Variants in ARID4A observed in about 807,000 individuals in gnomAD.
ARID4A encodes the protein AT-rich interaction domain 4A.
ARID4A carries 39 observed loss-of-function variants against 148.6 expected under a neutral mutation model. That is an observed-to-expected ratio of 0.26 (90% CI 0.20 to 0.34). The LOEUF (loss-of-function observed/expected upper bound fraction) is 0.34, where lower values mean the gene tolerates loss of function less well. ARID4A is among the 10% of genes least tolerant of loss of function. The pLI, the probability that ARID4A is intolerant of heterozygous loss-of-function variation, is 1.00. For synonymous variants in ARID4A, 475 were observed against 481.2 expected (o/e 0.99, Z 0.17); for missense variants, 1,265 against 1,449.1 (o/e 0.87, Z 2.06).
At chr14:58,308,826 T>C (rs1195084088) in intron 5 of ARID4A, among the ~76,000 whole-genome samples, 7 of 152,240 alleles carry the variant, frequency 4.6e-5, no homozygotes. Flanking sequence ...AGAGTGTTTA[T>C]GACGTGTGTT....
At chr14:58,369,415 C>G (rs953592952) in intron 23 of ARID4A, among the ~76,000 whole-genome samples, 2 of 151,862 alleles carry the variant, frequency 1.3e-5, no homozygotes, top group African/African-American at 4.8e-5. Flanking sequence ...CACTGGAGGC[C>G]AGGAGTTTAA....
rs539139292 is a variant in ARID4A at position 58,304,651 on chromosome 14, G to GT, written c.118-284dup. Reference sequence around the variant, plus strand: ...GACTTGATAAAAAGCAATAAAGGCAGTTTTTTTTTACAGTAATCATTAAAG... The same window carrying GT: ...GACTTGATAAAAAGCAATAAAGGCAGTTTTTTTTTTACAGTAATCATTAAAG... On this transcript the variant is annotated intron_variant, in intron 3 of 23. Transcript: ENST00000355431. Among the ~76,000 whole-genome samples the GT allele has an allele frequency of 5.9e-4, 90 of 151,378 alleles. No individual in the cohort carries two copies. The South Asian group carries it at 8.2e-3, about 14-fold the overall frequency.
intron 5 of ARID4A, among the ~76,000 whole-genome samples, chr14:58,311,258 A>G (rs988845721): frequency 1.3e-5 from 2 of 151,344 alleles, no homozygotes; most frequent in Admixed American, 1.3e-4. Context: ...AAAAAAATAA[A>G]TGAAAATAAT....
chr14:58,323,975 G>A (rs1026288357), intron 8 of ARID4A, among the ~76,000 whole-genome samples: 5 of 144,980 alleles, frequency 3.4e-5, no homozygotes, highest in Non-Finnish European at 7.5e-5. Context: ...CGCGATCTCG[G>A]CTCACTGCAA....
At position 58,324,163 on chromosome 14, in the gene ARID4A, A is replaced by T. The variant is rs1253005905; in HGVS notation, c.582+546A>T. Among the ~76,000 whole-genome samples, 4 of 152,074 alleles carry T rather than the reference A, an allele frequency of 2.6e-5. No individual in the cohort carries two copies. In the South Asian group the frequency reaches 8.3e-4, roughly 32 times the overall value. ...TCATGGTCCGCCCACCTCGGCCTCCAAAGTTCTGAGATTATAGGCGTGAGC... is the reference window on the plus strand; with the variant it reads ...TCATGGTCCGCCCACCTCGGCCTCCTAAGTTCTGAGATTATAGGCGTGAGC... On this transcript the variant is annotated intron_variant, in intron 8 of 23. Transcript: ENST00000355431.
intron 17 of ARID4A, among the ~76,000 whole-genome samples, chr14:58,356,092 T>G (rs1209548216): frequency 2.6e-5 from 4 of 152,106 alleles, no homozygotes; most frequent in African/African-American, 9.7e-5. Flanking sequence ...TGAAAGGGAG[T>G]ATCTGCAAGT....
At chr14:58,353,434 T>C in intron 16 of ARID4A, 1 of 407,262 alleles carries the variant, frequency 2.5e-6, no homozygotes, top group Non-Finnish European at 4.3e-6. Context: ...GATTGGCTTT[T>C]AAAAAGTATG....
intron 5 of ARID4A, among the ~76,000 whole-genome samples, chr14:58,314,875 T>G (rs918384980): frequency 3.3e-5 from 5 of 152,166 alleles, no homozygotes; most frequent in African/African-American, 1.2e-4. Context: ...TCCCAGCACT[T>G]TGGAAGGCCA....
At chr14:58,303,131 A>G (rs2031321551) in intron 3 of ARID4A, among the ~76,000 whole-genome samples, 3 of 152,196 alleles carry the variant, frequency 2.0e-5, no homozygotes, top group African/African-American at 7.2e-5. Flanking sequence ...GGTATATCAT[A>G]TAGTTAATGA....
At position 58,366,043 on chromosome 14, in the gene ARID4A, A is replaced by C. The variant is rs2035346213; in HGVS notation, c.3336A>C (p.Glu1112Asp). 1 of 1,612,690 alleles carries C rather than the reference A, an allele frequency of 6.2e-7. No individual in the cohort carries two copies. The highest frequency in any genetic ancestry group is 1.3e-5 in the African/African-American group (1 of 74,900). Residue 1112 changes from glutamate to aspartate, a missense_variant, in exon 22 of 24, where the codon GAA becomes GAC. This residue lies in a region of ARID4A where 666 missense variants were observed against 730.9 expected (regional missense o/e 0.91). Coordinates refer to ENST00000355431, the MANE Select transcript of ARID4A (RefSeq NM_002892.4). ...TTATAGGACAAAGCAGTGATAGTGA[A>C]GATCTTCCTGTCCTAGACAATTCAA... ...KNGTGQSSDS[E>D]DLPVLDNSSK...
intron 3 of ARID4A, chr14:58,303,702 G>T: frequency 3.6e-6 from 1 of 275,684 alleles, no homozygotes; most frequent in South Asian, 3.2e-5. Context: ...CCTTACTTGG[G>T]AACTTGTTCC....
intron 17 of ARID4A, among the ~76,000 whole-genome samples, chr14:58,354,371 G>A (rs1167775837): frequency 1.3e-5 from 2 of 152,110 alleles, no homozygotes; most frequent in African/African-American, 2.4e-5. Flanking sequence ...TTGATCTTCC[G>A]TTAGATGATT....
At chr14:58,316,472 A>G (rs1244443877) in intron 5 of ARID4A, among the ~76,000 whole-genome samples, 4 of 152,354 alleles carry the variant, frequency 2.6e-5, no homozygotes, top group African/African-American at 4.8e-5. Context: ...AACCTATACA[A>G]TTATCAAAAT....
At chr14:58,330,450 G>A (rs1566689950) in intron 11 of ARID4A, among the ~76,000 whole-genome samples, 1 of 151,770 alleles carries the variant, frequency 6.6e-6, no homozygotes, top group African/African-American at 2.4e-5. Context: ...ACCCAGGAGG[G>A]AAAAAAATGT....
At position 58,365,178 on chromosome 14, in the gene ARID4A, A is replaced by G; in HGVS notation, c.3089A>G (p.Asp1030Gly). The change falls in exon 20 of 24, where the codon GAT becomes GGT. Residue 1030 changes from aspartate to glycine, a missense_variant. Asp to Gly is a moderately conservative substitution (Grantham distance 94). Coordinates refer to ENST00000355431, the MANE Select transcript of ARID4A (RefSeq NM_002892.4). ...KSESDITIEVDSIAEESQEGL... is the reference protein window; with the variant it reads ...KSESDITIEVGSIAEESQEGL... ...GAGAGTGATATAACGATTGAAGTTG[A>G]TAGTATTGCTGAAGAATCTCAAGAA... 1 of 1,614,126 alleles carries G rather than the reference A, an allele frequency of 6.2e-7. No individual in the cohort carries two copies. Among genetic ancestry groups the G allele is most frequent in the Non-Finnish European group, 8.5e-7 (1 of 1,180,002 alleles).
intron 5 of ARID4A, among the ~76,000 whole-genome samples, chr14:58,310,222 GT>G (rs558652152): frequency 3.4e-5 from 5 of 146,870 alleles, no homozygotes; most frequent in Non-Finnish European, 6.0e-5. Flanking sequence ...GTTTTTTTTT[GT>G]TTTTTTTTGT....
intron 11 of ARID4A, 92 bp downstream of exon 11, chr14:58,330,261 C>CT (rs1594907894): frequency 1.1e-5 from 17 of 1,484,588 alleles, no homozygotes; most frequent in Non-Finnish European, 1.5e-5. Context: ...TTTAGATTCT[C>CT]TATTATTTGT....
chr14:58,317,830 A>G (rs190195922), intron 5 of ARID4A, among the ~76,000 whole-genome samples: 2 of 151,490 alleles, frequency 1.3e-5, no homozygotes, highest in Admixed American at 6.6e-5. Flanking sequence ...TCCTTATTTC[A>G]ACCTTTATTT....
In ARID4A at chr14:58,324,481, G is replaced by C. The variant is rs907810476; in HGVS notation, c.582+864G>C. On this transcript the variant is annotated intron_variant, in intron 8 of 23. Coordinates refer to ENST00000355431, the MANE Select transcript of ARID4A (RefSeq NM_002892.4). ...ATTTTTTGTAGACATGTAGCCTCAT[G>C]ATGTTTCCAGGCCAGTCTCAAACTC... Among the ~76,000 whole-genome samples the C allele has an allele frequency of 2.6e-5, 4 of 151,972 alleles. No homozygotes were observed. In the East Asian group the frequency reaches 7.7e-4, roughly 29 times the overall value.
Sources: allele counts gnomAD v4.1 joint callset (sites outside exome capture counted in the v4.1 genomes callset), GRCh38; gene constraint gnomAD v4.1.1; regional missense constraint gnomAD v4.1.1; transcripts MANE v1.5; gene names NCBI Gene and HGNC (gene_info 2026-07-23, HGNC 2026-07-21).